AFG2A: variants seen among roughly 807,000 people sequenced by gnomAD.
AFG2A encodes the protein ATPase family gene 2 protein homolog A.
the AFG2A span, among the ~76,000 whole-genome samples, chr4:122,956,150 C>G: frequency 6.6e-6 from 1 of 152,126 alleles, no homozygotes; most frequent in African/African-American, 2.4e-5. Context: ...TTGTAAACAA[C>G]TACAAATATA....
At chr4:123,314,670 A>G in the AFG2A span, 2 of 151,774 alleles carry the variant, frequency 1.3e-5, no homozygotes, top group Admixed American at 1.3e-4. Flanking sequence ...TTTGAGAGAT[A>G]TTTTGTATAA....
At chr4:123,001,239 T>A in the AFG2A span, among the ~76,000 whole-genome samples, 1 of 152,120 alleles carries the variant, frequency 6.6e-6, no homozygotes, top group Non-Finnish European at 1.5e-5. Flanking sequence ...ATTTTGTTCA[T>A]CCTTCCAAAA....
At chr4:123,169,761 G>A in the AFG2A span, among the ~76,000 whole-genome samples, 1 of 152,170 alleles carries the variant, frequency 6.6e-6, no homozygotes, top group Non-Finnish European at 1.5e-5. Context: ...GATTACAGTT[G>A]TGAGCCACCG....
chr4:122,981,146 A>G, the AFG2A span, among the ~76,000 whole-genome samples: 1 of 152,186 alleles, frequency 6.6e-6, no homozygotes, highest in Non-Finnish European at 1.5e-5. Flanking sequence ...ATGTTTAAAT[A>G]TTTAATCCAT....
the AFG2A span, among the ~76,000 whole-genome samples, chr4:123,085,962 T>C: frequency 4.6e-5 from 7 of 152,238 alleles, no homozygotes; most frequent in East Asian, 1.2e-3. Flanking sequence ...AAGTACCTTA[T>C]AATAAAAAAA....
At chr4:123,001,494 G>C in the AFG2A span, among the ~76,000 whole-genome samples, 1 of 150,932 alleles carries the variant, frequency 6.6e-6, no homozygotes, top group Non-Finnish European at 1.5e-5. Flanking sequence ...AGAGATTCTG[G>C]TATGTTGTGT....
chr4:122,993,324 A>G, the AFG2A span, among the ~76,000 whole-genome samples: 1 of 152,108 alleles, frequency 6.6e-6, no homozygotes, highest in Non-Finnish European at 1.5e-5. Context: ...GTTAATCTTA[A>G]GATATATGTA....
the AFG2A span, chr4:123,256,928 C>T: frequency 6.3e-6 from 5 of 793,132 alleles, no homozygotes; most frequent in South Asian, 5.8e-5. Context: ...CTATGTACCT[C>T]GACACAGAAA....
At chr4:123,105,412 T>C in the AFG2A span, among the ~76,000 whole-genome samples, 1 of 152,234 alleles carries the variant, frequency 6.6e-6, no homozygotes, top group Non-Finnish European at 1.5e-5. Flanking sequence ...TTAATGTTTT[T>C]GTGTCTGCTA....
the AFG2A span, among the ~76,000 whole-genome samples, chr4:123,305,079 T>G: frequency 6.6e-6 from 1 of 152,188 alleles, no homozygotes; most frequent in Non-Finnish European, 1.5e-5. Context: ...CTTTTCATCT[T>G]CTGACACATT....
chr4:123,103,526 A>G, the AFG2A span, among the ~76,000 whole-genome samples: 1 of 152,106 alleles, frequency 6.6e-6, no homozygotes, highest in East Asian at 1.9e-4. Context: ...AAAAATTATG[A>G]CGTATCATCA....
At chr4:123,248,961 C>T in the AFG2A span, among the ~76,000 whole-genome samples, 1,771 of 152,194 alleles carry the variant, frequency 0.012, 32 homozygotes, top group African/African-American at 0.04. Flanking sequence ...GCATACATGC[C>T]ATATGCCAAA....
the AFG2A span, among the ~76,000 whole-genome samples, chr4:122,944,067 C>T: frequency 6.6e-6 from 1 of 152,194 alleles, no homozygotes; most frequent in African/African-American, 2.4e-5. Flanking sequence ...CTGCTCTTAA[C>T]ATTTTTTCCT....
At chr4:123,114,776 G>C in the AFG2A span, among the ~76,000 whole-genome samples, 3 of 152,232 alleles carry the variant, frequency 2.0e-5, no homozygotes, top group Admixed American at 1.3e-4. Context: ...CATTGACTGT[G>C]CTGCCTTCTC....
chr4:122,945,602 G>A, the AFG2A span, among the ~76,000 whole-genome samples: 1 of 152,204 alleles, frequency 6.6e-6, no homozygotes, highest in Non-Finnish European at 1.5e-5. Flanking sequence ...CTTCCCGAGT[G>A]AGGCAATGCC....
the AFG2A span, among the ~76,000 whole-genome samples, chr4:122,952,849 A>T: frequency 6.6e-6 from 1 of 152,176 alleles, no homozygotes; most frequent in Non-Finnish European, 1.5e-5. Context: ...AATCAGTAAC[A>T]GAGTGGTAGT....
At chr4:123,221,429 C>T in the AFG2A span, among the ~76,000 whole-genome samples, 1 of 152,124 alleles carries the variant, frequency 6.6e-6, no homozygotes, top group Non-Finnish European at 1.5e-5. Flanking sequence ...TCCCAAAGTG[C>T]TAGAACTACA....
chr4:123,067,670 T>A, the AFG2A span, among the ~76,000 whole-genome samples: 2 of 152,196 alleles, frequency 1.3e-5, no homozygotes, highest in Non-Finnish European at 2.9e-5. Flanking sequence ...GTAGGGCATT[T>A]TATTTTATTG....
At chr4:123,092,388 T>C in the AFG2A span, among the ~76,000 whole-genome samples, 4 of 152,222 alleles carry the variant, frequency 2.6e-5, no homozygotes, top group Non-Finnish European at 5.9e-5. Context: ...TCACTACGGC[T>C]TAATCTAATA....
Sources: gnomAD v4.1 joint callset for allele counts (sites outside exome capture counted in the v4.1 genomes callset) on GRCh38, gnomAD v4.1.1 for gene constraint, MANE v1.5 for transcripts, NCBI Gene and HGNC (gene_info 2026-07-23, HGNC 2026-07-21) for gene names.